The following ROBO1 variants were observed in gnomAD, a reference collection of about 807,000 sequenced individuals.
The protein encoded by ROBO1 is roundabout guidance receptor 1.
Under a neutral mutation model 195.9 loss-of-function variants are expected in ROBO1, and 149 were observed. The observed-to-expected ratio is 0.76, with a 90% CI of 0.67 to 0.87. The LOEUF is 0.87. Ranked by LOEUF, ROBO1 falls within the 40% of genes least tolerant of loss-of-function variation. ROBO1 has a pLI of 0.00. For missense variants in ROBO1, 1,933 were observed against 2,068.3 expected (o/e 0.93, Z 1.27); for synonymous variants, 816 against 733.2 (o/e 1.11, Z -1.82).
At chr3:79,414,418 TTTGAG>T (rs537744401) in intron 2 of ROBO1, among the ~76,000 whole-genome samples, 211 of 152,266 alleles carry the variant, frequency 1.4e-3, no homozygotes, top group African/African-American at 4.9e-3. Flanking sequence ...TGGATATTAA[TTTGAG>T]TTGATACATT....
At chr3:79,723,150 T>C (rs1021834443) in intron 1 of ROBO1, among the ~76,000 whole-genome samples, 6 of 152,188 alleles carry the variant, frequency 3.9e-5, no homozygotes, top group Non-Finnish European at 5.9e-5. Context: ...CCTGCCACCA[T>C]TCCCGTGACA....
intron 2 of ROBO1, among the ~76,000 whole-genome samples, chr3:79,265,549 T>C (rs902686197): frequency 6.6e-6 from 1 of 151,610 alleles, no homozygotes; most frequent in African/African-American, 2.4e-5. Flanking sequence ...TTGCAAATTT[T>C]TTAAGTTGTA....
chr3:79,068,630 T>C (rs2079039921), intron 3 of ROBO1, among the ~76,000 whole-genome samples: 1 of 151,848 alleles, frequency 6.6e-6, no homozygotes, highest in African/African-American at 2.4e-5. Flanking sequence ...CTTTTCTTTA[T>C]CTCAAATTCT....
At chr3:78,794,556 G>C (rs74827322) in intron 4 of ROBO1, among the ~76,000 whole-genome samples, 3,620 of 152,202 alleles carry the variant, frequency 0.024, 108 homozygotes, top group Admixed American at 0.062. Context: ...CACAACAGCT[G>C]TTCTGTGGCT....
chr3:79,104,444 T>A (rs2079738238), intron 3 of ROBO1, among the ~76,000 whole-genome samples: 1 of 151,824 alleles, frequency 6.6e-6, no homozygotes, highest in African/African-American at 2.4e-5. Context: ...TGAATATTAC[T>A]ACAGTAAAAT....
Position 79,372,508 on chromosome 3 carries a change from C to T in ROBO1, c.88+217316G>A, listed in dbSNP as rs184404259. On this transcript the variant is annotated intron_variant, in intron 2 of 30. Coordinates refer to ENST00000464233, the MANE Select transcript of ROBO1 (RefSeq NM_002941.4). ...ACAGGAGTGAGCCACTGCGCCTGGC[C>T]TCTAGCATTCTTATAAGGAGAGATG... Among the ~76,000 whole-genome samples the T allele has an allele frequency of 5.1e-4, 77 of 152,178 alleles. 1 individual carries two copies. The highest frequency in any genetic ancestry group is 5.0e-3 in the Admixed American group (76 of 15,270).
At chr3:79,672,410 C>G (rs1946658501) in intron 1 of ROBO1, among the ~76,000 whole-genome samples, 1 of 151,894 alleles carries the variant, frequency 6.6e-6, no homozygotes, top group Non-Finnish European at 1.5e-5. Context: ...CTTCTTCTGC[C>G]TTTAGACAGA....
At position 78,717,392 on chromosome 3, in the gene ROBO1, C is replaced by G; in HGVS notation, c.800G>C (p.Arg267Thr). ...TVLERPSFVKRPSNLAVTVDD... is the reference protein window; with the variant it reads ...TVLERPSFVKTPSNLAVTVDD... ...CACAGTTACTGCCAAGTTACTGGGT[C>G]TCTTCACAAATGATGGTCTCTCTAA... The change falls in exon 7 of 31, where the codon AGA (arginine) becomes ACA (threonine). Residue 267 changes from arginine to threonine, a missense_variant. Arg to Thr is a moderately conservative substitution (Grantham distance 71). This residue lies in a region of ROBO1 where 1,737 missense variants were observed against 1,882.5 expected (regional missense o/e 0.92). Transcript: ENST00000464233. 2.5e-6 allele frequency: 4 copies of G among 1,613,476 alleles called. No individual in the cohort carries two copies. Among genetic ancestry groups the G allele is most frequent in the Non-Finnish European group, 3.4e-6 (4 of 1,179,502 alleles).
intron 3 of ROBO1, among the ~76,000 whole-genome samples, chr3:78,965,000 T>C (rs2076608027): frequency 6.6e-6 from 1 of 151,876 alleles, no homozygotes; most frequent in Non-Finnish European, 1.5e-5. Context: ...AAAAATATTG[T>C]CAATTTAAGG....
intron 3 of ROBO1, among the ~76,000 whole-genome samples, chr3:79,079,218 TA>T (rs1192296464): frequency 1.3e-5 from 2 of 151,774 alleles, no homozygotes; most frequent in Admixed American, 6.6e-5. Flanking sequence ...TTCAGACTTT[TA>T]AAAAAATCAC....
chr3:78,783,716 G>A lies in ROBO1; in HGVS notation c.500-36816C>T, dbSNP rs367562217. 4.6e-5 allele frequency among the ~76,000 whole-genome samples: 7 copies of A among 152,178 alleles called. No individual in the cohort carries two copies. The East Asian group carries it at 5.8e-4, about 13-fold the overall frequency. ...ATAGAAGTCAAGGGTTTCACCTTAC[G>A]TCACACAACTAGTTAATAACCAAAA... On this transcript the variant is annotated intron_variant, in intron 4 of 30. Coordinates refer to ENST00000464233, the MANE Select transcript of ROBO1 (RefSeq NM_002941.4).
intron 2 of ROBO1, among the ~76,000 whole-genome samples, chr3:79,462,821 A>T (rs556358629): frequency 1.3e-5 from 2 of 152,342 alleles, no homozygotes; most frequent in South Asian, 4.1e-4. Context: ...AAGTGAGTAG[A>T]TGAATTAATG....
intron 5 of ROBO1, among the ~76,000 whole-genome samples, chr3:78,741,703 T>A (rs900570572): frequency 6.6e-6 from 1 of 152,138 alleles, no homozygotes; most frequent in African/African-American, 2.4e-5. Context: ...TTCATCTGTA[T>A]AAGAAAATTT....
chr3:79,612,746 A>C (rs1944699956), intron 1 of ROBO1, among the ~76,000 whole-genome samples: 1 of 126,974 alleles, frequency 7.9e-6, no homozygotes, highest in South Asian at 2.6e-4. Context: ...ATGGTATCTC[A>C]TTGTGGTTTT....
At chr3:79,078,412 T>A (rs2079213211) in intron 3 of ROBO1, among the ~76,000 whole-genome samples, 1 of 151,764 alleles carries the variant, frequency 6.6e-6, no homozygotes. Flanking sequence ...ATGGGTATTT[T>A]TTTGGGGGTC....
At chr3:79,249,201 T>G (rs1451814795) in intron 2 of ROBO1, among the ~76,000 whole-genome samples, 1 of 152,220 alleles carries the variant, frequency 6.6e-6, no homozygotes, top group Non-Finnish European at 1.5e-5. Flanking sequence ...CCAATACGTG[T>G]AACCTTGCAG....
At chr3:78,646,082 C>A (rs1706263590) in intron 21 of ROBO1, 66 bp downstream of exon 21, 3 of 1,357,668 alleles carry the variant, frequency 2.2e-6, no homozygotes, top group South Asian at 2.5e-5. Flanking sequence ...AAAGTGGTGT[C>A]ATTGAGGAAG....
chr3:78,765,397 A>C (rs531152540), intron 4 of ROBO1, among the ~76,000 whole-genome samples: 9 of 152,202 alleles, frequency 5.9e-5, no homozygotes, highest in Admixed American at 5.2e-4. Context: ...AAAATTTATT[A>C]TTAAATATAA....
At chr3:79,308,580 G>C (rs1320236661) in intron 2 of ROBO1, among the ~76,000 whole-genome samples, 1 of 152,124 alleles carries the variant, frequency 6.6e-6, no homozygotes, top group East Asian at 1.9e-4. Context: ...GGAGAGAAAT[G>C]CATGGTGAAA....
Sources: gnomAD v4.1 joint callset for allele counts (sites outside exome capture counted in the v4.1 genomes callset) on GRCh38, gnomAD v4.1.1 for gene constraint, gnomAD v4.1.1 regional missense constraint, MANE v1.5 for transcripts, NCBI Gene and HGNC (gene_info 2026-07-23, HGNC 2026-07-21) for gene names.